Variants in ZBTB16 observed in about 807,000 individuals in gnomAD.
ZBTB16 encodes the protein zinc finger and BTB domain-containing protein 16.
In ZBTB16, 8 loss-of-function variants were observed where a neutral mutation model predicts 56.8. The observed-to-expected ratio is 0.14, with a 90% CI of 0.08 to 0.25. ZBTB16 has a LOEUF of 0.25. Among genes scored for constraint, ZBTB16 ranks in the 10% least tolerant of loss-of-function variants. The pLI, the probability that ZBTB16 is intolerant of heterozygous loss-of-function variation, is 1.00. For missense variants in ZBTB16, 625 were observed against 903.0 expected (o/e 0.69, Z 3.95); for synonymous variants, 363 against 368.5 (o/e 0.98, Z 0.17).
At chr11:114,148,492 T>A (rs1301162470) in intron 2 of ZBTB16, among the ~76,000 whole-genome samples, 1 of 143,138 alleles carries the variant, frequency 7.0e-6, no homozygotes, top group African/African-American at 2.6e-5. Context: ...TCTTTCTTTC[T>A]TTCTTCTTTC....
chr11:114,109,562 C>G (rs1473432829), intron 2 of ZBTB16, among the ~76,000 whole-genome samples: 1 of 152,108 alleles, frequency 6.6e-6, no homozygotes, highest in African/African-American at 2.4e-5. Flanking sequence ...GAATGTGTTC[C>G]CGCAGGATGG....
chr11:114,073,171 C>T (rs1485068985), intron 2 of ZBTB16, among the ~76,000 whole-genome samples: 2 of 151,952 alleles, frequency 1.3e-5, no homozygotes, highest in Non-Finnish European at 1.5e-5. Flanking sequence ...CTGGCCTCCT[C>T]AGTTCCTCTG....
intron 2 of ZBTB16, among the ~76,000 whole-genome samples, chr11:114,134,927 G>A (rs1197391161): frequency 6.6e-6 from 1 of 152,182 alleles, no homozygotes; most frequent in Non-Finnish European, 1.5e-5. Flanking sequence ...CAATTCCCTG[G>A]TTCTGGGATT....
intron 2 of ZBTB16, among the ~76,000 whole-genome samples, chr11:114,128,680 G>C (rs1415313596): frequency 1.3e-5 from 2 of 152,134 alleles, no homozygotes; most frequent in Non-Finnish European, 2.9e-5. Flanking sequence ...TTGTAATCTT[G>C]TAAAGTGAAG....
chr11:114,248,057 C>T (rs1041460539), intron 6 of ZBTB16, among the ~76,000 whole-genome samples: 1 of 152,146 alleles, frequency 6.6e-6, no homozygotes, highest in African/African-American at 2.4e-5. Flanking sequence ...GCCACCACGC[C>T]CAGCTAATTT....
intron 4 of ZBTB16, among the ~76,000 whole-genome samples, chr11:114,206,412 C>G (rs1000845756): frequency 6.6e-6 from 1 of 152,196 alleles, no homozygotes; most frequent in Non-Finnish European, 1.5e-5. Flanking sequence ...TTCTGTCCCT[C>G]TACCCACAAC....
intron 2 of ZBTB16, among the ~76,000 whole-genome samples, chr11:114,113,022 G>A (rs953801192): frequency 2.0e-5 from 3 of 151,988 alleles, no homozygotes; most frequent in Admixed American, 6.6e-5. Flanking sequence ...CCATTCTCCC[G>A]CTTAGGCCTT....
Position 114,149,270 on chromosome 11 carries a change from G to C in ZBTB16, c.1269-7067G>C, listed in dbSNP as rs192879721. Among the ~76,000 whole-genome samples, 4 of 152,248 alleles carry C rather than the reference G, an allele frequency of 2.6e-5. No individual in the cohort carries two copies. The East Asian group carries it at 7.7e-4, about 29-fold the overall frequency. On this transcript the variant is annotated intron_variant, in intron 2 of 6. Transcript: ENST00000335953. ...TGCAGAGCCAGGTCCCCTGCACTCAGCCCGATGTATATATATGTACACATA... is the reference window on the plus strand; with the variant it reads ...TGCAGAGCCAGGTCCCCTGCACTCACCCCGATGTATATATATGTACACATA...
intron 5 of ZBTB16, among the ~76,000 whole-genome samples, chr11:114,245,638 A>G (rs756155000): frequency 4.6e-5 from 7 of 152,242 alleles, no homozygotes; most frequent in Non-Finnish European, 8.8e-5. Flanking sequence ...AGGCACAGGC[A>G]TGCGAGTCTA....
At chr11:114,093,151 C>CGTGTTT (rs1940252969) in intron 2 of ZBTB16, among the ~76,000 whole-genome samples, 1 of 152,160 alleles carries the variant, frequency 6.6e-6, no homozygotes. Flanking sequence ...TAAGGCCCCA[C>CGTGTTT]GTGTTTTTGC....
chr11:114,198,134 C>T (rs1383727711), intron 4 of ZBTB16, among the ~76,000 whole-genome samples: 1 of 152,068 alleles, frequency 6.6e-6, no homozygotes, highest in Admixed American at 6.5e-5. Flanking sequence ...ATGTGGTTTG[C>T]TGTGACCTCC....
chr11:114,198,709 G>T (rs1344384486), intron 4 of ZBTB16, among the ~76,000 whole-genome samples: 1 of 152,150 alleles, frequency 6.6e-6, no homozygotes, highest in Non-Finnish European at 1.5e-5. Flanking sequence ...CACGCCACAT[G>T]GGTGGTACAT....
chr11:114,101,238 C>G (rs959008500), intron 2 of ZBTB16, among the ~76,000 whole-genome samples: 5 of 152,120 alleles, frequency 3.3e-5, no homozygotes, highest in African/African-American at 1.2e-4. Flanking sequence ...CTCCTGGGCT[C>G]AAACAATCTT....
intron 3 of ZBTB16, among the ~76,000 whole-genome samples, chr11:114,167,227 T>TG (rs1942786731): frequency 1.4e-5 from 1 of 72,392 alleles, no homozygotes; most frequent in African/African-American, 1.1e-4. Flanking sequence ...TTTTTTTTTT[T>TG]TTTGGTTTTT....
At chr11:114,088,538 C>T (rs543716205) in intron 2 of ZBTB16, among the ~76,000 whole-genome samples, 20 of 152,260 alleles carry the variant, frequency 1.3e-4, no homozygotes, top group East Asian at 7.7e-4. Context: ...TATACAGCCC[C>T]GCTTCGTCCA....
intron 4 of ZBTB16, among the ~76,000 whole-genome samples, chr11:114,241,839 TC>T: frequency 6.6e-6 from 1 of 152,320 alleles, no homozygotes; most frequent in Non-Finnish European, 1.5e-5. Context: ...CTCTGTGAAG[TC>T]CATCTGGTAT....
In ZBTB16 at chr11:114,180,065, C is replaced by T. The variant is rs79774979; in HGVS notation, c.1367-6887C>T. Among the ~76,000 whole-genome samples, 960 of 152,306 alleles carry T rather than the reference C, an allele frequency of 6.3e-3. 7 individuals are homozygous for T. Among genetic ancestry groups the T allele is most frequent in the African/African-American group, 0.021 (887 of 41,560 alleles). On this transcript the variant is annotated intron_variant, in intron 3 of 6. Transcript: ENST00000335953. ...ACAGAGGGAGAGCTGCTCCCACACACGGAGGCCTCAGTCCCGCCTCTGGCA... is the reference window on the plus strand; with the variant it reads ...ACAGAGGGAGAGCTGCTCCCACACATGGAGGCCTCAGTCCCGCCTCTGGCA...
At chr11:114,083,643 G>T (rs1351104636) in intron 2 of ZBTB16, among the ~76,000 whole-genome samples, 3 of 152,172 alleles carry the variant, frequency 2.0e-5, no homozygotes, top group African/African-American at 7.2e-5. Context: ...TTCTGCTGTG[G>T]TGGGAGATGG....
At chr11:114,148,461 C>CTTTCTTTCTTTCTTTCTT (rs1481867050) in intron 2 of ZBTB16, among the ~76,000 whole-genome samples, 2 of 47,192 alleles carry the variant, frequency 4.2e-5, no homozygotes, top group Admixed American at 2.5e-4. Flanking sequence ...CTGTCTGTCT[C>CTTTCTTTCTTTCTTTCTT]TCTCTCTCTC....
Sources: allele counts gnomAD v4.1 joint callset (sites outside exome capture counted in the v4.1 genomes callset), GRCh38; gene constraint gnomAD v4.1.1; transcripts MANE v1.5; gene names NCBI Gene and HGNC (gene_info 2026-07-23, HGNC 2026-07-21).